ASTN1: variants seen among roughly 807,000 people sequenced by gnomAD.
ASTN1 encodes astrotactin 1.
A neutral mutation model predicts 140.7 loss-of-function variants in ASTN1; 41 were observed. That is an observed-to-expected ratio of 0.29 (90% CI 0.23 to 0.38). ASTN1 has a LOEUF of 0.38. Among genes scored for constraint, ASTN1 ranks in the 10% least tolerant of loss-of-function variants. The pLI is 1.00. For missense variants in ASTN1, 1,479 were observed against 1,678.8 expected (o/e 0.88, Z 2.08); for synonymous variants, 640 against 652.2 (o/e 0.98, Z 0.29).
intron 14 of ASTN1, among the ~76,000 whole-genome samples, chr1:176,943,170 T>G (rs1369799247): frequency 1.3e-5 from 2 of 152,098 alleles, no homozygotes; most frequent in East Asian, 3.9e-4. Flanking sequence ...CCGCCTCTCA[T>G]TAGTCCATGG....
rs374125428 is a variant in ASTN1, at chr1:177,065,394, C to T, written c.284-4129G>A. 3.4e-3 allele frequency among the ~76,000 whole-genome samples: 524 copies of T among 152,284 alleles called. 2 individuals are homozygous for T. In the Middle Eastern group the frequency reaches 0.041, roughly 12 times the overall value. On this transcript the variant is annotated intron_variant, in intron 1 of 22. Coordinates refer to ENST00000361833, the MANE Select transcript of ASTN1 (RefSeq NM_004319.3). The stretch of plus-strand genomic sequence containing the variant: ...GTATACAATACATATTTTTGGAGCA[C>T]ACTATATTTGCCACATTCAGCAAAT...
chr1:176,908,840 G>A (rs1028754261), intron 16 of ASTN1, among the ~76,000 whole-genome samples: 1 of 152,112 alleles, frequency 6.6e-6, no homozygotes, highest in Non-Finnish European at 1.5e-5. Context: ...AAATAGCAAT[G>A]CTCAGAAAGA....
At chr1:176,991,008 G>A (rs1242157448) in intron 8 of ASTN1, among the ~76,000 whole-genome samples, 1 of 152,136 alleles carries the variant, frequency 6.6e-6, no homozygotes, top group African/African-American at 2.4e-5. Flanking sequence ...ATCTCTCCCT[G>A]TAAGCCAATC....
chr1:176,875,733 C>T (rs1199246767), intron 21 of ASTN1, among the ~76,000 whole-genome samples: 1 of 152,188 alleles, frequency 6.6e-6, no homozygotes, highest in African/African-American at 2.4e-5. Flanking sequence ...CAACCTAAAA[C>T]TTTCAGCATC....
chr1:176,880,119 T>C (rs578148411), intron 20 of ASTN1, among the ~76,000 whole-genome samples: 1 of 152,304 alleles, frequency 6.6e-6, no homozygotes, highest in Non-Finnish European at 1.5e-5. Flanking sequence ...TGTCCAAAAC[T>C]CCTGGGCTTC....
intron 16 of ASTN1, among the ~76,000 whole-genome samples, chr1:176,907,594 AC>A (rs1349357454): frequency 1.3e-5 from 2 of 152,214 alleles, no homozygotes; most frequent in Middle Eastern, 3.4e-3. Context: ...AAGTCAGAAA[AC>A]TTTTATATAC....
At chr1:176,858,282 C>T (rs1317846946), downstream of ASTN1, among the ~76,000 whole-genome samples, 3 of 152,166 alleles carry the variant, frequency 2.0e-5, no homozygotes, top group East Asian at 5.8e-4. Context: ...CCACATATGT[C>T]CACAGAAATT....
At chr1:177,127,148 T>A (rs57530364) in intron 1 of ASTN1, among the ~76,000 whole-genome samples, 39,190 of 150,902 alleles carry the variant, frequency 0.26, 8,151 homozygotes, top group African/African-American at 0.59. Context: ...TATTTTTTTT[T>A]AAAAAAAGAA....
At chr1:177,103,371 A>G (rs1268482504) in intron 1 of ASTN1, among the ~76,000 whole-genome samples, 1 of 152,218 alleles carries the variant, frequency 6.6e-6, no homozygotes, top group Non-Finnish European at 1.5e-5. Flanking sequence ...TTGCCCTTGC[A>G]TACAAAATCA....
intron 1 of ASTN1, among the ~76,000 whole-genome samples, chr1:177,075,379 G>A (rs1271602289): frequency 6.7e-6 from 1 of 148,814 alleles, no homozygotes; most frequent in African/African-American, 2.5e-5. Flanking sequence ...GCCATTTCTT[G>A]CTTTTTTAAA....
chr1:177,010,639 T>C (rs1316000170), intron 8 of ASTN1, among the ~76,000 whole-genome samples: 1 of 152,174 alleles, frequency 6.6e-6, no homozygotes, highest in Non-Finnish European at 1.5e-5. Context: ...GTGACTAGCT[T>C]CACCACTAAG....
intron 8 of ASTN1, among the ~76,000 whole-genome samples, chr1:177,009,493 G>A (rs1675176443): frequency 6.6e-6 from 1 of 152,208 alleles, no homozygotes; most frequent in Non-Finnish European, 1.5e-5. Flanking sequence ...GGCTCCTATG[G>A]TTTGGGACAT....
chr1:176,919,034 G>C (rs1163579666), intron 16 of ASTN1, among the ~76,000 whole-genome samples: 3 of 152,138 alleles, frequency 2.0e-5, no homozygotes, highest in African/African-American at 7.2e-5. Context: ...TCTTTAAAGG[G>C]GGCCACTGCC....
chr1:176,953,235 G>A (rs1019423396), intron 11 of ASTN1, among the ~76,000 whole-genome samples: 7 of 152,108 alleles, frequency 4.6e-5, no homozygotes, highest in East Asian at 1.9e-4. Context: ...GCATACTTCC[G>A]TTCCAGATTA....
chr1:176,869,255 T>C (rs1292902204), intron 21 of ASTN1, among the ~76,000 whole-genome samples: 1 of 152,118 alleles, frequency 6.6e-6, no homozygotes, highest in Non-Finnish European at 1.5e-5. Flanking sequence ...TACTTATGTG[T>C]GTGTGAGTAT....
chr1:177,141,662 T>C (rs903241898), intron 1 of ASTN1, among the ~76,000 whole-genome samples: 1 of 152,200 alleles, frequency 6.6e-6, no homozygotes, highest in African/African-American at 2.4e-5. Flanking sequence ...AGCAAGCATC[T>C]TGACCATACC....
chr1:177,017,099 G>A (rs1435643935), intron 7 of ASTN1, among the ~76,000 whole-genome samples: 4 of 152,166 alleles, frequency 2.6e-5, no homozygotes, highest in African/African-American at 4.8e-5. Context: ...AGTTCAAGCC[G>A]AGCCTTATTT....
chr1:177,045,480 T>C (rs1479201539), intron 2 of ASTN1, among the ~76,000 whole-genome samples: 6 of 152,226 alleles, frequency 3.9e-5, no homozygotes, highest in Admixed American at 3.9e-4. Context: ...CCTTCTTTTC[T>C]GCTGGCTCCT....
intron 1 of ASTN1, among the ~76,000 whole-genome samples, chr1:177,066,822 T>C (rs190480056): frequency 1.3e-5 from 2 of 152,300 alleles, no homozygotes; most frequent in Admixed American, 1.3e-4. Flanking sequence ...CTTGGTATTC[T>C]GGGACCCTTT....
Sources: gnomAD v4.1 joint callset for allele counts (sites outside exome capture counted in the v4.1 genomes callset) on GRCh38, gnomAD v4.1.1 for gene constraint, MANE v1.5 for transcripts, NCBI Gene and HGNC (gene_info 2026-07-23, HGNC 2026-07-21) for gene names.